ANO2: variants seen among roughly 807,000 people sequenced by gnomAD.
The protein encoded by ANO2 is anoctamin-2.
Under a neutral mutation model 124.2 loss-of-function variants are expected in ANO2, and 101 were observed. The observed-to-expected ratio is 0.81, with a 90% CI of 0.69 to 0.96. The LOEUF (loss-of-function observed/expected upper bound fraction) is 0.96, where lower values mean the gene tolerates loss of function less well. ANO2 is among the 40% of genes least tolerant of loss of function. The pLI, the probability that ANO2 is intolerant of heterozygous loss-of-function variation, is 0.00. For synonymous variants in ANO2, 486 were observed against 482.5 expected, an observed-to-expected ratio of 1.01 and a Z score of -0.09; for missense variants, 1,293 against 1,274.5, an observed-to-expected ratio of 1.01 and a Z score of -0.22.
At chr12:5,644,488 C>T (rs975802703) in intron 15 of ANO2, among the ~76,000 whole-genome samples, 2 of 152,148 alleles carry the variant, frequency 1.3e-5, no homozygotes, top group Non-Finnish European at 2.9e-5. Context: ...ATCAGTTTAT[C>T]GACTGGACAA....
At chr12:5,565,807 G>GA (rs1941716855) in intron 23 of ANO2, 144 bp from the exon 24 acceptor site, 11 of 643,104 alleles carry the variant, frequency 1.7e-5, no homozygotes, top group East Asian at 5.8e-5. Context: ...GAAGTGGGGG[G>GA]AATCTATGGC....
At chr12:5,603,487 G>A (rs1944040347) in intron 19 of ANO2, among the ~76,000 whole-genome samples, 1 of 151,768 alleles carries the variant, frequency 6.6e-6, no homozygotes, top group South Asian at 2.1e-4. Flanking sequence ...ACTAAATAAT[G>A]AAAGATGGTA....
At position 5,739,326 on chromosome 12, in the gene ANO2, T is replaced by A; in HGVS notation, c.1425A>T (p.Glu475Asp). 6.2e-7 allele frequency: 1 copy of A among 1,602,878 alleles called. No homozygotes were observed. The highest frequency in any genetic ancestry group is 8.5e-7 in the Non-Finnish European group (1 of 1,174,496). ...ACGTGAGAGAACTCACTTCTTCCTC[T>A]TCTATGCCAGTCAGGTCCCAAAAGT... The part of the protein sequence containing the change: ...LGYFWDLTGI[E>D]EEEEHSRPEY... The change falls in exon 13 of 25, where the codon GAA becomes GAT. Residue 475 changes from glutamate (E) to aspartate (D), a missense_variant. Glu to Asp is a conservative substitution (Grantham distance 45, BLOSUM62 2). Transcript: ENST00000682330.
chr12:5,913,062 CA>C (rs1941151480), intron 3 of ANO2, among the ~76,000 whole-genome samples: 1 of 152,130 alleles, frequency 6.6e-6, no homozygotes, highest in African/African-American at 2.4e-5. Flanking sequence ...CATAGAAATA[CA>C]CCACGCCCCG....
chr12:5,781,621 C>T (rs1212709052), intron 10 of ANO2, among the ~76,000 whole-genome samples: 1 of 152,200 alleles, frequency 6.6e-6, no homozygotes. Context: ...ATAAATATAA[C>T]TTATTTTAAT....
intron 14 of ANO2, among the ~76,000 whole-genome samples, chr12:5,701,087 ATT>A (rs56113538): frequency 8.5e-5 from 8 of 93,608 alleles, no homozygotes; most frequent in Non-Finnish European, 1.4e-4. Flanking sequence ...GTCATTTTCA[ATT>A]TTTTTTTTTT....
At chr12:5,696,539 C>T (rs894248820) in intron 14 of ANO2, among the ~76,000 whole-genome samples, 2 of 152,072 alleles carry the variant, frequency 1.3e-5, no homozygotes, top group Non-Finnish European at 2.9e-5. Flanking sequence ...TGAGTTTTAT[C>T]AAACTCTCAA....
chr12:5,935,280 C>A (rs1419296970), intron 1 of ANO2, among the ~76,000 whole-genome samples: 2 of 151,978 alleles, frequency 1.3e-5, no homozygotes, highest in Admixed American at 1.3e-4. Flanking sequence ...TCTTTGAGGG[C>A]AGAGTGTGAG....
chr12:5,623,878 G>A (rs1179219692), intron 16 of ANO2, among the ~76,000 whole-genome samples: 2 of 152,216 alleles, frequency 1.3e-5, no homozygotes, highest in African/African-American at 4.8e-5. Context: ...TTTGGGAATG[G>A]GGGGTGGGTG....
At chr12:5,880,448 G>A (rs150864380) in intron 3 of ANO2, among the ~76,000 whole-genome samples, 1 of 151,686 alleles carries the variant, frequency 6.6e-6, no homozygotes, top group African/African-American at 2.4e-5. Context: ...AAAAACATCT[G>A]AAGACAGAAC....
At chr12:5,843,408 G>A (rs894761595) in intron 4 of ANO2, among the ~76,000 whole-genome samples, 2 of 152,082 alleles carry the variant, frequency 1.3e-5, no homozygotes, top group East Asian at 3.9e-4. Context: ...AAATGAGCCA[G>A]GCATAGTGGC....
intron 4 of ANO2, among the ~76,000 whole-genome samples, chr12:5,839,899 T>G (rs2137231400): frequency 6.6e-6 from 1 of 152,254 alleles, no homozygotes; most frequent in African/African-American, 2.4e-5. Flanking sequence ...AGCCCTTTAC[T>G]TCAACCTAAC....
rs964295102 is a variant in ANO2, at chr12:5,935,432, T to C, written c.22+9764A>G. Among the ~76,000 whole-genome samples the C allele has an allele frequency of 2.6e-5, 4 of 152,234 alleles. No homozygotes were observed. The South Asian group carries it at 8.3e-4, about 32-fold the overall frequency. On this transcript the variant is annotated intron_variant, in intron 1 of 24. Transcript: ENST00000682330. ...ACTTTAAGGGTGACTGGAGATAGCA[T>C]AATAACTAGTGGGGGAAAATTTTGA...
chr12:5,841,896 A>G (rs1954526600), intron 4 of ANO2, among the ~76,000 whole-genome samples: 1 of 151,918 alleles, frequency 6.6e-6, no homozygotes, highest in Non-Finnish European at 1.5e-5. Context: ...TTGAGACAAG[A>G]TCTCACTCTG....
chr12:5,629,458 C>T (rs1206258586), intron 16 of ANO2, among the ~76,000 whole-genome samples: 2 of 152,198 alleles, frequency 1.3e-5, no homozygotes, highest in South Asian at 2.1e-4. Context: ...CCCACTGGGT[C>T]CTGACCTGAG....
rs1051653976 is a variant in ANO2, at chr12:5,851,821, G to A, written c.633+2222C>T. On this transcript the variant is annotated intron_variant, in intron 4 of 24. Coordinates refer to ENST00000682330, the MANE Select transcript of ANO2 (RefSeq NM_001364791.2). ...AGGAAAAGAATGAGAGTAGAAAGAC[G>A]GGAAGGAAAGCAAAGAGGGAAAATA... 7.1e-5 allele frequency: 48 copies of A among 678,634 alleles called. No homozygotes were observed. The East Asian group carries it at 7.6e-4, about 11-fold the overall frequency. 42.0% of individuals were successfully genotyped at this position (678,634 alleles called of 1,614,324 possible).
At chr12:5,578,313 G>C in intron 21 of ANO2, 53 bp downstream of exon 21, 1 of 1,588,354 alleles carries the variant, frequency 6.3e-7, no homozygotes, top group Non-Finnish European at 8.6e-7. Context: ...TGGCCAGAGG[G>C]GACAGAATGG....
In ANO2 at chr12:5,787,443, C is replaced by T. The variant is rs1274303814; in HGVS notation, c.1055+12064G>A. Among the ~76,000 whole-genome samples the T allele has an allele frequency of 1.3e-5, 2 of 152,188 alleles. No homozygotes were observed. Among genetic ancestry groups the T allele is most frequent in the South Asian group, 2.1e-4 (1 of 4,822 alleles). On this transcript the variant is annotated intron_variant, in intron 10 of 24. Coordinates refer to ENST00000682330, the MANE Select transcript of ANO2 (RefSeq NM_001364791.2). This position sits in a 1 kb window ranked among gnomAD's most constrained non-coding sequence, Gnocchi z 4.2. ...CCAGTGCCTTCCCCCAGCAGTGGGGCATACACATGGTGGAGAAGCCAGACT... is the reference window on the plus strand; with the variant it reads ...CCAGTGCCTTCCCCCAGCAGTGGGGTATACACATGGTGGAGAAGCCAGACT...
At chr12:5,831,580 C>T (rs538493471) in intron 5 of ANO2, among the ~76,000 whole-genome samples, 38 of 152,178 alleles carry the variant, frequency 2.5e-4, no homozygotes, top group South Asian at 1.2e-3. Flanking sequence ...AGATCTGGCC[C>T]GCCACCACGC....
Sources: allele counts gnomAD v4.1 joint callset (sites outside exome capture counted in the v4.1 genomes callset), GRCh38; gene constraint gnomAD v4.1.1; non-coding constraint Gnocchi (gnomAD v3.1); transcripts MANE v1.5; gene names NCBI Gene and HGNC (gene_info 2026-07-23, HGNC 2026-07-21).